The following E2F1 variants were observed in gnomAD, a reference collection of about 807,000 sequenced individuals.
E2F1 encodes the protein E2F transcription factor 1.
In E2F1, 7 loss-of-function variants were observed where a neutral mutation model predicts 36.9. The ratio of observed to expected loss-of-function variants is 0.19; its 90% CI spans 0.11 to 0.36. The LOEUF is 0.36. Ranked by LOEUF, E2F1 falls within the 10% of genes least tolerant of loss-of-function variation. The pLI, the probability that E2F1 is intolerant of heterozygous loss-of-function variation, is 1.00. For synonymous variants in E2F1, 261 were observed against 263.1 expected (o/e 0.99, Z 0.08); for missense variants, 406 against 573.6 (o/e 0.71, Z 2.99).
chr20:33,681,674 G>C (rs999479911), intron 1 of E2F1, among the ~76,000 whole-genome samples: 2 of 152,116 alleles, frequency 1.3e-5, no homozygotes, highest in African/African-American at 2.4e-5. Context: ...AAACCAGACT[G>C]ATCTTCCCCT....
chr20:33,677,232 G>C lies in E2F1; in HGVS notation c.939C>G (p.Ser313=). 1.9e-6 allele frequency: 3 copies of C among 1,614,162 alleles called. No individual in the cohort carries two copies. Among genetic ancestry groups the C allele is most frequent in the Non-Finnish European group, 2.5e-6 (3 of 1,180,010 alleles). The part of the protein sequence containing the change: ...VGGISPGKTP[S]QEVTSEEENR... Reference sequence around the variant, plus strand: ...TCTCCTCCTCAGAAGTGACCTCCTGGGATGGGGTCTTCCCAGGGCTGATCC... The same window carrying C: ...TCTCCTCCTCAGAAGTGACCTCCTGCGATGGGGTCTTCCCAGGGCTGATCC... The change falls in exon 6 of 7, where the codon TCC becomes TCG. Residue 313 remains serine, a synonymous_variant. Transcript: ENST00000343380.
At chr20:33,683,952 G>T (rs1380739935) in intron 1 of E2F1, among the ~76,000 whole-genome samples, 1 of 152,162 alleles carries the variant, frequency 6.6e-6, no homozygotes, top group Non-Finnish European at 1.5e-5. Flanking sequence ...TTATTTCAAG[G>T]ACTGTGCCAG....
chr20:33,680,124 C>G, intron 2 of E2F1, 150 bp from the exon 3 acceptor site: 1 of 910,610 alleles, frequency 1.1e-6, no homozygotes, highest in East Asian at 2.6e-5. Flanking sequence ...CCACAGCATT[C>G]TTCTTCTGGC....
chr20:33,677,976 C>T (rs1416705057), intron 4 of E2F1, among the ~76,000 whole-genome samples: 4 of 152,156 alleles, frequency 2.6e-5, no homozygotes, highest in African/African-American at 9.7e-5. Flanking sequence ...CTTTTTTAAT[C>T]TGTACAATTT....
chr20:33,682,112 C>T (rs1401903297), intron 1 of E2F1, among the ~76,000 whole-genome samples: 7 of 152,060 alleles, frequency 4.6e-5, no homozygotes, highest in Non-Finnish European at 8.8e-5. Flanking sequence ...CATTCTGTCT[C>T]TCCCTACACA....
intron 4 of E2F1, among the ~76,000 whole-genome samples, chr20:33,677,749 G>C (rs913916854): frequency 6.6e-6 from 1 of 152,060 alleles, no homozygotes; most frequent in Non-Finnish European, 1.5e-5. Flanking sequence ...AATGGCTACC[G>C]GGAACGATTC....
Position 33,677,498 on chromosome 20 carries a change from G to T in E2F1, c.768C>A (p.Asp256Glu), listed in dbSNP as rs2017976491. The change falls in exon 5 of 7, where the codon GAC becomes GAA. Residue 256 changes from aspartate (D) to glutamate (E), a missense_variant. Physicochemically the swap from Asp to Glu is conservative, Grantham distance 45. Coordinates refer to ENST00000343380, the MANE Select transcript of E2F1 (RefSeq NM_005225.3). ...TCACCATAACCATCTGCTCTGCAGGGTCTGCAATGCTACGAAGGTCCTGAC... is the reference window on the plus strand; with the variant it reads ...TCACCATAACCATCTGCTCTGCAGGTTCTGCAATGCTACGAAGGTCCTGAC... ...VTCQDLRSIA[D>E]PAEQMVMVIK... 10 of 1,613,986 alleles carry T rather than the reference G, an allele frequency of 6.2e-6. No homozygotes were observed. The highest frequency in any genetic ancestry group is 8.5e-6 in the Non-Finnish European group (10 of 1,180,004).
chr20:33,686,339 G>A lies in E2F1; in HGVS notation c.-75C>T. ...GGCCCATGGCGGCAGGCCTCGGCGA[G>A]GGCTCGATCCCGCTCCGCCCCCGGC... is the stretch of plus-strand genomic sequence containing the variant. On this transcript the variant is annotated 5_prime_UTR_variant, in exon 1 of 7. Coordinates refer to ENST00000343380, the MANE Select transcript of E2F1 (RefSeq NM_005225.3). 1 of 986,138 alleles carries A rather than the reference G, an allele frequency of 1.0e-6. No homozygotes were observed. Among genetic ancestry groups the A allele is most frequent in the African/African-American group, 1.7e-5 (1 of 57,144 alleles). The allele number at this position is 986,138 out of a possible 1,614,324, so 61.1% of individuals were successfully genotyped here. A position where few individuals can be genotyped will look rare whatever the true frequency, so the allele number is the denominator to read the frequency against.
chr20:33,682,876 C>T (rs546444211), intron 1 of E2F1, among the ~76,000 whole-genome samples: 4 of 152,072 alleles, frequency 2.6e-5, no homozygotes, highest in South Asian at 2.1e-4. Context: ...TGTCACAGGG[C>T]GATATATTTA....
In E2F1 at chr20:33,676,590, AG is replaced by A. The variant is rs2122540741; in HGVS notation, c.*141del. ...CCTCCTAGCGGTAGCCAGACCCCAG[AG>A]CTAGAAGCTTCTGGAGACAGAGGAG... On this transcript the variant is annotated 3_prime_UTR_variant, in exon 7 of 7. Transcript: ENST00000343380. 2.3e-6 allele frequency: 3 copies of A among 1,292,500 alleles called. No homozygotes were observed. Among genetic ancestry groups the A allele is most frequent in the South Asian group, 1.7e-5 (1 of 58,820 alleles). 80.1% of individuals were successfully genotyped at this position (1,292,500 alleles called of 1,614,324 possible).
intron 1 of E2F1, among the ~76,000 whole-genome samples, chr20:33,681,434 C>A (rs143695146): frequency 3.7e-4 from 56 of 152,296 alleles, no homozygotes; most frequent in African/African-American, 1.2e-3. Flanking sequence ...CATCAAGTTC[C>A]TTGCATCCAT....
At chr20:33,682,233 C>G (rs572023038) in intron 1 of E2F1, among the ~76,000 whole-genome samples, 16 of 152,212 alleles carry the variant, frequency 1.1e-4, no homozygotes, top group African/African-American at 3.9e-4. Context: ...GAACCCCCCC[C>G]ATGCTGATGA....
At position 33,679,802 on chromosome 20, in the gene E2F1, C is replaced by T; in HGVS notation, c.525G>A (p.Glu175=). Residue 175 remains glutamate, a synonymous_variant, in exon 3 of 7, where the codon GAG becomes GAA. Coordinates refer to ENST00000343380, the MANE Select transcript of E2F1 (RefSeq NM_005225.3). This position sits in a 1 kb window ranked among gnomAD's most constrained non-coding sequence, Gnocchi z 4.6. The part of the protein sequence containing the change: ...RRIYDITNVL[E]GIQLIAKKSK... ...ACTTCTTGGCAATGAGCTGGATGCC[C>T]TCAAGGACGTTGGTGATGTCATAGA... 2.5e-6 allele frequency: 4 copies of T among 1,614,098 alleles called. No individual in the cohort carries two copies. Among genetic ancestry groups the T allele is most frequent in the Non-Finnish European group, 3.4e-6 (4 of 1,180,034 alleles).
At chr20:33,680,071 G>T in intron 2 of E2F1, 97 bp from the exon 3 acceptor site, 1 of 1,104,232 alleles carries the variant, frequency 9.1e-7, no homozygotes, top group Non-Finnish European at 1.3e-6. Flanking sequence ...GCAGGATGAT[G>T]GGGGCTGGGG....
At chr20:33,683,239 T>A (rs749403218) in intron 1 of E2F1, among the ~76,000 whole-genome samples, 2 of 151,814 alleles carry the variant, frequency 1.3e-5, no homozygotes, top group African/African-American at 2.4e-5. Context: ...TCACTTGAGG[T>A]CAGGAGTTCA....
At chr20:33,682,775 T>G (rs931238495) in intron 1 of E2F1, among the ~76,000 whole-genome samples, 3 of 152,238 alleles carry the variant, frequency 2.0e-5, no homozygotes, top group African/African-American at 7.2e-5. Context: ...ACGAAAGCTG[T>G]GCTTTGTTTA....
chr20:33,681,748 C>T (rs1444810526), intron 1 of E2F1, among the ~76,000 whole-genome samples: 2 of 152,192 alleles, frequency 1.3e-5, no homozygotes, highest in Non-Finnish European at 2.9e-5. Context: ...CATGCAGCTA[C>T]CAAGAACTGC....
chr20:33,683,270 G>A (rs892156155), intron 1 of E2F1, among the ~76,000 whole-genome samples: 1 of 151,958 alleles, frequency 6.6e-6, no homozygotes, highest in Admixed American at 6.6e-5. Flanking sequence ...GACCAATATG[G>A]TGAAACCTCA....
chr20:33,685,921 C>T, intron 1 of E2F1, 83 bp downstream of exon 1: 1 of 1,053,372 alleles, frequency 9.5e-7, no homozygotes, highest in Non-Finnish European at 1.1e-6. Flanking sequence ...CCCCTGCCGC[C>T]TCCAGGCCAA....
Sources: gnomAD v4.1 joint callset for allele counts (sites outside exome capture counted in the v4.1 genomes callset) on GRCh38, gnomAD v4.1.1 for gene constraint, Gnocchi (gnomAD v3.1) non-coding constraint, MANE v1.5 for transcripts, NCBI Gene and HGNC (gene_info 2026-07-23, HGNC 2026-07-21) for gene names.